The following DCDC2C variants were observed in gnomAD, a reference collection of about 807,000 sequenced individuals.
DCDC2C encodes the protein doublecortin domain containing 2C, also known as doublecortin domain-containing protein 2C.
A neutral mutation model predicts 45.0 loss-of-function variants in DCDC2C; 44 were observed. The ratio of observed to expected loss-of-function variants is 0.98; its 90% CI spans 0.77 to 1.26. The LOEUF is 1.26. DCDC2C is among the 50% of genes most tolerant of loss of function. The pLI is 0.00. For synonymous variants in DCDC2C, 187 were observed against 178.8 expected, an observed-to-expected ratio of 1.05 and a Z score of -0.37; for missense variants, 447 against 468.9, an observed-to-expected ratio of 0.95 and a Z score of 0.43.
chr2:3,821,711 G>A (rs975989507), intron 10 of DCDC2C, among the ~76,000 whole-genome samples: 14 of 152,254 alleles, frequency 9.2e-5, no homozygotes, highest in Admixed American at 1.3e-4. Flanking sequence ...TGTTGAGCCA[G>A]ACTTGCATTC....
chr2:3,765,726 G>A (rs1368370462), intron 6 of DCDC2C, among the ~76,000 whole-genome samples: 2 of 152,180 alleles, frequency 1.3e-5, no homozygotes, highest in Non-Finnish European at 2.9e-5. Context: ...CAACATCCTT[G>A]CCCTTGGGTG....
At chr2:3,797,343 G>T (rs1412082100) in intron 10 of DCDC2C, among the ~76,000 whole-genome samples, 1 of 127,236 alleles carries the variant, frequency 7.9e-6, no homozygotes, top group Non-Finnish European at 1.6e-5. Flanking sequence ...TTAATTTTTT[G>T]AAGGGTTTTT....
chr2:3,784,962 T>C, intron 9 of DCDC2C, 97 bp from the exon 10 acceptor site: 1 of 907,630 alleles, frequency 1.1e-6, no homozygotes, highest in Non-Finnish European at 1.4e-6. Context: ...GAATTTGACC[T>C]CCCTGAGAGG....
intron 6 of DCDC2C, among the ~76,000 whole-genome samples, chr2:3,760,506 G>A (rs754441726): frequency 6.6e-6 from 1 of 152,188 alleles, no homozygotes; most frequent in Non-Finnish European, 1.5e-5. Flanking sequence ...CCATAAAAAA[G>A]AATGAGTTTA....
chr2:3,750,642 A>G (rs936165201), intron 4 of DCDC2C, among the ~76,000 whole-genome samples: 1 of 152,034 alleles, frequency 6.6e-6, no homozygotes, highest in Non-Finnish European at 1.5e-5. Context: ...CTTTCTCCCC[A>G]GTGCCTTTAG....
intron 3 of DCDC2C, among the ~76,000 whole-genome samples, chr2:3,737,207 A>T (rs1461166594): frequency 6.6e-6 from 1 of 152,154 alleles, no homozygotes; most frequent in Non-Finnish European, 1.5e-5. Flanking sequence ...AGGTCCAGAG[A>T]TAGAGCTATT....
chr2:3,799,408 T>G (rs956715142), intron 10 of DCDC2C, among the ~76,000 whole-genome samples: 1 of 152,266 alleles, frequency 6.6e-6, no homozygotes, highest in Non-Finnish European at 1.5e-5. Flanking sequence ...CTGTTGCTGG[T>G]GAGGAACTGC....
At chr2:3,757,038 A>C (rs1423797461) in intron 6 of DCDC2C, among the ~76,000 whole-genome samples, 1 of 152,232 alleles carries the variant, frequency 6.6e-6, no homozygotes, top group Non-Finnish European at 1.5e-5. Flanking sequence ...ATCTGTAAAG[A>C]TGTATTATCT....
intron 6 of DCDC2C, among the ~76,000 whole-genome samples, chr2:3,757,608 G>T (rs1436400378): frequency 6.6e-6 from 1 of 152,220 alleles, no homozygotes; most frequent in South Asian, 2.1e-4. Flanking sequence ...CCATGAGGCC[G>T]TGGTGAGGTG....
intron 4 of DCDC2C, among the ~76,000 whole-genome samples, chr2:3,748,174 G>A (rs191218127): frequency 7.5e-4 from 114 of 152,212 alleles, no homozygotes; most frequent in Middle Eastern, 3.4e-3. Flanking sequence ...ATCCATTGGC[G>A]GATTCTGAGC....
At chr2:3,791,558 G>A (rs922012224) in intron 10 of DCDC2C, among the ~76,000 whole-genome samples, 2 of 152,206 alleles carry the variant, frequency 1.3e-5, no homozygotes, top group African/African-American at 4.8e-5. Context: ...AGTTTTCACC[G>A]CCTTGCCTTC....
At chr2:3,764,883 A>G (rs759713618) in intron 6 of DCDC2C, among the ~76,000 whole-genome samples, 24 of 152,336 alleles carry the variant, frequency 1.6e-4, no homozygotes, top group African/African-American at 4.6e-4. Context: ...TTTTTGGGAC[A>G]ATTACAAAAT....
intron 10 of DCDC2C, among the ~76,000 whole-genome samples, chr2:3,798,229 C>G: frequency 6.6e-6 from 1 of 152,058 alleles, no homozygotes; most frequent in Non-Finnish European, 1.5e-5. Flanking sequence ...CTTGGTAGAT[C>G]TTCCTCCATC....
intron 8 of DCDC2C, 94 bp from the exon 9 acceptor site, chr2:3,778,722 G>A (rs1213282833): frequency 1.8e-6 from 2 of 1,140,572 alleles, no homozygotes; most frequent in Non-Finnish European, 2.6e-6. Context: ...CCATAGAAGT[G>A]GTCTAGAAGG....
At chr2:3,745,067 C>A (rs1669323983) in intron 4 of DCDC2C, among the ~76,000 whole-genome samples, 1 of 152,154 alleles carries the variant, frequency 6.6e-6, no homozygotes, top group South Asian at 2.1e-4. Flanking sequence ...CTCACTGCAA[C>A]CTCCACCTCC....
chr2:3,778,196 C>A (rs575603212), intron 8 of DCDC2C, among the ~76,000 whole-genome samples: 1 of 152,328 alleles, frequency 6.6e-6, no homozygotes, highest in African/African-American at 2.4e-5. Flanking sequence ...CTCCTCCCGG[C>A]CAGCTGCCAT....
chr2:3,743,627 A>C (rs1669277071), intron 4 of DCDC2C, among the ~76,000 whole-genome samples: 1 of 152,260 alleles, frequency 6.6e-6, no homozygotes, highest in Non-Finnish European at 1.5e-5. Context: ...TTGGAAATTT[A>C]ACAGTGCATT....
intron 10 of DCDC2C, among the ~76,000 whole-genome samples, chr2:3,831,369 C>A (rs1328996825): frequency 6.6e-6 from 1 of 152,182 alleles, no homozygotes; most frequent in African/African-American, 2.4e-5. Context: ...GCCTACTGCA[C>A]ACCTCGGCTA....
chr2:3,749,941 A>T (rs565199793), intron 4 of DCDC2C, among the ~76,000 whole-genome samples: 1 of 152,210 alleles, frequency 6.6e-6, no homozygotes, highest in Admixed American at 6.5e-5. Context: ...ATTCCAGTTG[A>T]GTTTTTTCGG....
Sources: allele counts gnomAD v4.1 joint callset (sites outside exome capture counted in the v4.1 genomes callset), GRCh38; gene constraint gnomAD v4.1.1; transcripts MANE v1.5; gene names NCBI Gene and HGNC (gene_info 2026-07-23, HGNC 2026-07-21).